The following PTGER4 variants were observed in gnomAD, a reference collection of about 807,000 sequenced individuals.
PTGER4 encodes prostaglandin E receptor 4.
Under a neutral mutation model 33.2 loss-of-function variants are expected in PTGER4, and 11 were observed. That is an observed-to-expected ratio of 0.33 (90% CI 0.21 to 0.55). PTGER4 has a LOEUF of 0.55. Among genes scored for constraint, PTGER4 ranks in the 20% least tolerant of loss-of-function variants. PTGER4 has a pLI of 0.92. For missense variants in PTGER4, 481 were observed against 650.2 expected (o/e 0.74, Z 2.83); for synonymous variants, 275 against 281.5 (o/e 0.98, Z 0.23).
the PTGER4 span, among the ~76,000 whole-genome samples, chr5:40,706,401 T>C: frequency 6.6e-6 from 1 of 152,066 alleles, no homozygotes; most frequent in East Asian, 1.9e-4. Flanking sequence ...CTGAATGATG[T>C]AATAATATAT....
the PTGER4 span, among the ~76,000 whole-genome samples, chr5:40,727,094 T>C: frequency 3.9e-5 from 6 of 152,190 alleles, no homozygotes; most frequent in Non-Finnish European, 8.8e-5. Context: ...TTCTGAGAAT[T>C]TGACAAACAC....
At chr5:40,720,192 T>C in the PTGER4 span, among the ~76,000 whole-genome samples, 1 of 152,240 alleles carries the variant, frequency 6.6e-6, no homozygotes, top group African/African-American at 2.4e-5. Flanking sequence ...TTCTTATGTT[T>C]AGGTCTTTGT....
chr5:40,729,070 T>G, the PTGER4 span, among the ~76,000 whole-genome samples: 1 of 152,216 alleles, frequency 6.6e-6, no homozygotes, highest in Non-Finnish European at 1.5e-5. Context: ...CTATAATCTT[T>G]AGGACCATTA....
At chr5:40,700,421 G>A in the PTGER4 span, among the ~76,000 whole-genome samples, 15 of 152,186 alleles carry the variant, frequency 9.9e-5, no homozygotes, top group African/African-American at 3.4e-4. Context: ...TTGGACTAAC[G>A]AAGGAGCAAA....
the PTGER4 span, among the ~76,000 whole-genome samples, chr5:40,727,711 T>C: frequency 7.2e-5 from 11 of 152,206 alleles, no homozygotes; most frequent in East Asian, 1.9e-4. Flanking sequence ...GTAAATGTAA[T>C]GATCCAAAGA....
Position 40,692,843 on chromosome 5 carries a change from TTA to T in PTGER4, c.*466_*467del. On this transcript the variant is annotated 3_prime_UTR_variant, in exon 3 of 3. Coordinates refer to ENST00000302472, the MANE Select transcript of PTGER4 (RefSeq NM_000958.3). ...TTGTTGTACATACGATTTAAGGTAT[TTA>T]AAGTATTTTCTTCTCTGTGAGAAGG... 1.0e-6 allele frequency: 1 copy of T among 985,298 alleles called. No homozygotes were observed. The highest frequency in any genetic ancestry group is 1.2e-6 in the Non-Finnish European group (1 of 829,238). 61.0% of individuals were successfully genotyped at this position (985,298 alleles called of 1,614,324 possible). A position where few individuals can be genotyped will look rare whatever the true frequency, so the allele number is the denominator to read the frequency against.
chr5:40,728,345 C>G, the PTGER4 span: 5 of 1,564,596 alleles, frequency 3.2e-6, no homozygotes, highest in Non-Finnish European at 3.5e-6. Flanking sequence ...ACTTCCTCAC[C>G]AGGATTATCT....
At position 40,693,642 on chromosome 5, in the gene PTGER4, T is replaced by C. The variant is rs998948181; in HGVS notation, c.*1264T>C. The C allele has an allele frequency of 1.1e-5, 11 of 984,732 alleles. 2 individuals carry two copies. Among genetic ancestry groups the C allele is most frequent in the Middle Eastern group, 1.0e-3 (2 of 1,912 alleles). 61.0% of individuals were successfully genotyped at this position (984,732 alleles called of 1,614,324 possible). A position where few individuals can be genotyped will look rare whatever the true frequency, so the allele number is the denominator to read the frequency against. ...AGTGTTTTTGTGAATTGCTTGGTTG[T>C]AATTAAATTCTGAGCCTGATATTGA... On this transcript the variant is annotated 3_prime_UTR_variant, in exon 3 of 3. Transcript: ENST00000302472.
At chr5:40,705,051 A>C in the PTGER4 span, among the ~76,000 whole-genome samples, 61 of 152,346 alleles carry the variant, frequency 4.0e-4, no homozygotes, top group African/African-American at 1.4e-3. Context: ...AGCTGGAGGA[A>C]TCACATTACT....
chr5:40,730,589 C>T, the PTGER4 span, among the ~76,000 whole-genome samples: 2 of 152,134 alleles, frequency 1.3e-5, no homozygotes, highest in Admixed American at 1.3e-4. Context: ...TAAACAATAA[C>T]TCCTCATTGC....
Position 40,689,297 on chromosome 5 carries a change from T to C in PTGER4, c.868-2482T>C, listed in dbSNP as rs557108603. On this transcript the variant is annotated intron_variant, in intron 2 of 2. Coordinates refer to ENST00000302472, the MANE Select transcript of PTGER4 (RefSeq NM_000958.3). ...ATCTTTTGAGAGAGGATCAGAGACC[T>C]ATAGCTAATTAAGATCTAAATTCCA... 2.1e-4 allele frequency among the ~76,000 whole-genome samples: 32 copies of C among 152,330 alleles called. No homozygotes were observed. In the South Asian group the frequency reaches 5.4e-3, roughly 26 times the overall value.
chr5:40,703,211 T>C, the PTGER4 span, among the ~76,000 whole-genome samples: 1 of 107,254 alleles, frequency 9.3e-6, no homozygotes, highest in East Asian at 3.3e-4. Flanking sequence ...AATCCAGGGG[T>C]TGGTTTTTTG....
At chr5:40,710,103 G>A in the PTGER4 span, among the ~76,000 whole-genome samples, 3 of 152,160 alleles carry the variant, frequency 2.0e-5, no homozygotes, top group African/African-American at 7.2e-5. Context: ...AAGAGCTTCT[G>A]CACAGCAAAA....
chr5:40,694,173 C>T (rs1284891311), downstream of PTGER4, among the ~76,000 whole-genome samples: 1 of 152,140 alleles, frequency 6.6e-6, no homozygotes, highest in Admixed American at 6.5e-5. Context: ...GCCTCAGCCT[C>T]TTGACTAGCT....
At chr5:40,742,697 A>G in the PTGER4 span, among the ~76,000 whole-genome samples, 1 of 152,202 alleles carries the variant, frequency 6.6e-6, no homozygotes, top group Non-Finnish European at 1.5e-5. Context: ...AAAAAGAAGA[A>G]AAAGAATAAG....
rs147092731 is a variant in PTGER4, at chr5:40,690,969, G to A, written c.868-810G>A. The stretch of plus-strand genomic sequence containing the variant: ...ATAAGATAGTTACAAAAATATTAAA[G>A]CTATACGAACTCAGAACATGTAATT... On this transcript the variant is annotated intron_variant, in intron 2 of 2. Transcript: ENST00000302472. Among the ~76,000 whole-genome samples, 14 of 152,300 alleles carry A rather than the reference G, an allele frequency of 9.2e-5. No individual in the cohort carries two copies. The East Asian group carries it at 2.7e-3, about 29-fold the overall frequency.
At chr5:40,697,272 AAGAAAGAAAGAAAG>A (rs1561134528), downstream of PTGER4, among the ~76,000 whole-genome samples, 117 of 135,800 alleles carry the variant, frequency 8.6e-4, 2 homozygotes, top group Admixed American at 3.8e-3. Flanking sequence ...GAAAGAAAGA[AAGAAAGAAAGAAAG>A]AAAGAAAGAA....
the PTGER4 span, among the ~76,000 whole-genome samples, chr5:40,738,529 C>CAATAA: frequency 4.3e-3 from 356 of 81,960 alleles, 11 homozygotes; most frequent in East Asian, 0.027. Context: ...AAATAAAATA[C>CAATAA]AATAAAATAC....
the PTGER4 span, among the ~76,000 whole-genome samples, chr5:40,720,023 C>A: frequency 5.3e-5 from 8 of 152,222 alleles, 1 homozygote; most frequent in South Asian, 1.2e-3. Flanking sequence ...ACTTTTGAAG[C>A]ACAAAAGTGT....
Sources: allele counts gnomAD v4.1 joint callset (sites outside exome capture counted in the v4.1 genomes callset), GRCh38; gene constraint gnomAD v4.1.1; transcripts MANE v1.5; gene names NCBI Gene and HGNC (gene_info 2026-07-23, HGNC 2026-07-21).